SEMA6D: variants seen among roughly 807,000 people sequenced by gnomAD.
SEMA6D encodes semaphorin 6D.
Under a neutral mutation model 106.6 loss-of-function variants are expected in SEMA6D, and 35 were observed. The ratio of observed to expected loss-of-function variants is 0.33; its 90% CI spans 0.25 to 0.44. The LOEUF (loss-of-function observed/expected upper bound fraction) is 0.44, where lower values mean the gene tolerates loss of function less well. SEMA6D is among the 20% of genes least tolerant of loss of function. The pLI is 1.00. For missense variants in SEMA6D, 1,185 were observed against 1,345.9 expected (o/e 0.88, Z 1.87); for synonymous variants, 499 against 487.7 (o/e 1.02, Z -0.31).
intron 4 of SEMA6D, among the ~76,000 whole-genome samples, chr15:47,688,025 A>AT (rs2078506314): frequency 6.6e-6 from 1 of 152,200 alleles, no homozygotes; most frequent in Non-Finnish European, 1.5e-5. Flanking sequence ...GAGCTCACAA[A>AT]TGAGGTCCAA....
At chr15:47,465,262 A>G (rs1596066278) in intron 2 of SEMA6D, among the ~76,000 whole-genome samples, 1 of 152,292 alleles carries the variant, frequency 6.6e-6, no homozygotes, top group East Asian at 1.9e-4. Context: ...TAAAATTTCA[A>G]TCATTTCTAT....
chr15:47,733,071 C>T (rs908203911), intron 1 of SEMA6D, among the ~76,000 whole-genome samples: 1 of 152,214 alleles, frequency 6.6e-6, no homozygotes, highest in Non-Finnish European at 1.5e-5. Flanking sequence ...CACATTTTCT[C>T]ATGGTTCCTA....
intron 2 of SEMA6D, among the ~76,000 whole-genome samples, chr15:47,413,845 G>T (rs1448469339): frequency 6.6e-6 from 1 of 152,024 alleles, no homozygotes. Flanking sequence ...GCAGATCCAT[G>T]GTGCACTGAG....
At chr15:47,730,702 G>C in intron 1 of SEMA6D, 1 of 1,607,066 alleles carries the variant, frequency 6.2e-7, no homozygotes, top group Non-Finnish European at 8.5e-7. Flanking sequence ...CTGGTTAATC[G>C]CAGGAGGCAC....
intron 3 of SEMA6D, among the ~76,000 whole-genome samples, chr15:47,474,808 A>C (rs1454029241): frequency 2.0e-5 from 3 of 152,196 alleles, no homozygotes; most frequent in Non-Finnish European, 4.4e-5. Flanking sequence ...AACTCTAGAC[A>C]ATGACGTGTG....
intron 3 of SEMA6D, among the ~76,000 whole-genome samples, chr15:47,544,258 C>T (rs1266434911): frequency 6.6e-6 from 1 of 152,060 alleles, no homozygotes. Context: ...GTTTCCCAAT[C>T]CCAAAATATC....
At chr15:47,498,449 A>G (rs2043742605) in intron 3 of SEMA6D, among the ~76,000 whole-genome samples, 1 of 152,094 alleles carries the variant, frequency 6.6e-6, no homozygotes, top group South Asian at 2.1e-4. Flanking sequence ...CAAGGCTACT[A>G]GGGGAGATAT....
intron 4 of SEMA6D, among the ~76,000 whole-genome samples, chr15:47,611,740 A>C (rs1362758375): frequency 2.0e-5 from 3 of 152,246 alleles, no homozygotes; most frequent in African/African-American, 7.2e-5. Flanking sequence ...AAAAAGCATT[A>C]AATAGTTTGC....
chr15:47,258,847 A>C (rs2033935789), intron 1 of SEMA6D, among the ~76,000 whole-genome samples: 1 of 151,954 alleles, frequency 6.6e-6, no homozygotes, highest in Non-Finnish European at 1.5e-5. Flanking sequence ...ATATTTTTAT[A>C]TTTTTGACAA....
At chr15:47,689,830 G>T (rs1280235461) in intron 4 of SEMA6D, among the ~76,000 whole-genome samples, 1 of 152,192 alleles carries the variant, frequency 6.6e-6, no homozygotes, top group Non-Finnish European at 1.5e-5. Flanking sequence ...TTCCATGACA[G>T]TCTGATGAAA....
intron 1 of SEMA6D, among the ~76,000 whole-genome samples, chr15:47,204,322 A>G (rs1406676149): frequency 6.6e-6 from 1 of 152,184 alleles, no homozygotes; most frequent in African/African-American, 2.4e-5. Flanking sequence ...CAAAAAATAA[A>G]TAAAAAGGTA....
intron 4 of SEMA6D, among the ~76,000 whole-genome samples, chr15:47,615,138 T>C (rs1247035128): frequency 6.6e-6 from 1 of 152,146 alleles, no homozygotes; most frequent in Admixed American, 6.5e-5. Context: ...TTATGTATGA[T>C]TCGACCAACC....
At chr15:47,278,631 G>A (rs1222579541) in intron 1 of SEMA6D, among the ~76,000 whole-genome samples, 1 of 152,032 alleles carries the variant, frequency 6.6e-6, no homozygotes, top group South Asian at 2.1e-4. Context: ...GATCCCATTT[G>A]TCAATTTTGG....
At chr15:47,686,152 T>C (rs1034692268) in intron 4 of SEMA6D, among the ~76,000 whole-genome samples, 3 of 152,236 alleles carry the variant, frequency 2.0e-5, no homozygotes, top group African/African-American at 7.2e-5. Context: ...CTTCAAGTCA[T>C]TTATTTACTT....
chr15:47,227,018 C>T (rs1292006305), intron 1 of SEMA6D, among the ~76,000 whole-genome samples: 1 of 152,002 alleles, frequency 6.6e-6, no homozygotes, highest in Non-Finnish European at 1.5e-5. Flanking sequence ...CCTCCAAGCT[C>T]CTCCTGCCAG....
At chr15:47,572,806 T>C (rs866200064) in intron 3 of SEMA6D, among the ~76,000 whole-genome samples, 2 of 152,168 alleles carry the variant, frequency 1.3e-5, no homozygotes, top group African/African-American at 4.8e-5. Context: ...TTCAAGCAAA[T>C]AAATCATTAA....
At chr15:47,625,372 A>C (rs2077182998) in intron 4 of SEMA6D, among the ~76,000 whole-genome samples, 1 of 152,218 alleles carries the variant, frequency 6.6e-6, no homozygotes, top group Non-Finnish European at 1.5e-5. Context: ...ATCATCTGCC[A>C]TGTGTGGTTT....
chr15:47,716,564 A>G (rs1567011737), upstream of SEMA6D, among the ~76,000 whole-genome samples: 1 of 152,214 alleles, frequency 6.6e-6, no homozygotes, highest in South Asian at 2.1e-4. Context: ...CTAGCCATTT[A>G]GAGCCCTCAG....
rs762155399 is a variant in SEMA6D at position 47,771,183 on chromosome 15, G to A, written c.2620G>A (p.Asp874Asn). Reference sequence around the variant, plus strand: ...TAAGAGAGATCACCGGCGTTCTGTTGATTCCAGAAATACCCTCAATGATCT... The same window carrying A: ...TAAGAGAGATCACCGGCGTTCTGTTAATTCCAGAAATACCCTCAATGATCT... ...SSKRDHRRSVDSRNTLNDLLK... is the reference protein window; with the variant it reads ...SSKRDHRRSVNSRNTLNDLLK... The change falls in exon 19 of 19, where the codon GAT becomes AAT. Residue 874 changes from aspartate to asparagine, a missense_variant. Physicochemically the swap from Asp to Asn is conservative, Grantham distance 23. Transcript: ENST00000536845. 6.2e-7 allele frequency: 1 copy of A among 1,614,082 alleles called. No individual in the cohort carries two copies. The highest frequency in any genetic ancestry group is 1.1e-5 in the South Asian group (1 of 91,078).
Sources: gnomAD v4.1 joint callset for allele counts (sites outside exome capture counted in the v4.1 genomes callset) on GRCh38, gnomAD v4.1.1 for gene constraint, MANE v1.5 for transcripts, NCBI Gene and HGNC (gene_info 2026-07-23, HGNC 2026-07-21) for gene names.